COL22A1: variants seen among roughly 807,000 people sequenced by gnomAD.
COL22A1 encodes collagen alpha-1(XXII) chain.
Under a neutral mutation model 248.9 loss-of-function variants are expected in COL22A1, and 221 were observed. The observed-to-expected ratio is 0.89, with a 90% CI of 0.80 to 0.99. COL22A1 has a LOEUF of 0.99. Among genes scored for constraint, COL22A1 ranks in the 50% least tolerant of loss-of-function variants. The pLI is 0.00. For synonymous variants in COL22A1, 891 were observed against 793.4 expected (o/e 1.12, Z -2.07); for missense variants, 2,240 against 2,179.0 (o/e 1.03, Z -0.56).
chr8:138,871,307 G>T (rs186410124), intron 3 of COL22A1, among the ~76,000 whole-genome samples: 1 of 152,178 alleles, frequency 6.6e-6, no homozygotes, highest in Non-Finnish European at 1.5e-5. Flanking sequence ...GTGTGAACTG[G>T]GAAAGGTAAG....
chr8:138,780,446 C>T (rs1814860864), intron 13 of COL22A1, among the ~76,000 whole-genome samples: 1 of 152,156 alleles, frequency 6.6e-6, no homozygotes, highest in African/African-American at 2.4e-5. Context: ...AAGCTGAGAT[C>T]ACTTTGAGCT....
intron 16 of COL22A1, among the ~76,000 whole-genome samples, chr8:138,771,832 A>G (rs1834390910): frequency 2.6e-5 from 4 of 152,182 alleles, no homozygotes; most frequent in African/African-American, 9.7e-5. Flanking sequence ...CCAGTGGCAG[A>G]CCTGGCCCCC....
At chr8:138,611,189 C>G (rs1379523517) in intron 56 of COL22A1, among the ~76,000 whole-genome samples, 2 of 152,254 alleles carry the variant, frequency 1.3e-5, no homozygotes, top group African/African-American at 2.4e-5. Flanking sequence ...GCCCCTCTTG[C>G]CTCCAGAAAT....
At chr8:138,706,743 C>A (rs1828491693) in intron 30 of COL22A1, among the ~76,000 whole-genome samples, 1 of 152,074 alleles carries the variant, frequency 6.6e-6, no homozygotes, top group Non-Finnish European at 1.5e-5. Context: ...GAAGCAAGAG[C>A]AAACACATTC....
intron 44 of COL22A1, among the ~76,000 whole-genome samples, chr8:138,660,229 G>C (rs1015017422): frequency 2.0e-5 from 3 of 152,098 alleles, no homozygotes; most frequent in African/African-American, 7.2e-5. Flanking sequence ...ACTCTCCCTG[G>C]GCTTTGAAAA....
At chr8:138,625,774 T>C (rs1188292427) in intron 51 of COL22A1, among the ~76,000 whole-genome samples, 3 of 152,204 alleles carry the variant, frequency 2.0e-5, no homozygotes, top group Non-Finnish European at 4.4e-5. Context: ...CTATTAAATG[T>C]AAAGTTTATG....
chr8:138,864,335 T>G (rs1217377233), intron 3 of COL22A1, among the ~76,000 whole-genome samples: 1 of 151,788 alleles, frequency 6.6e-6, no homozygotes, highest in African/African-American at 2.4e-5. Context: ...AACTTGATCT[T>G]ATATATCAGG....
Position 138,775,976 on chromosome 8 carries a change from C to T in COL22A1, c.1793G>A (p.Arg598Gln), listed in dbSNP as rs201581690. The change falls in exon 16 of 65, where the codon CGA becomes CAA. Residue 598 changes from arginine to glutamine, a missense_variant. Arg to Gln is a conservative substitution (Grantham distance 43). Transcript: ENST00000303045. ...GCAGACTATAAATACCTTTTCTCCTCGAGTTCCCTTTTCACCTCGTTCTCC... is the reference window on the plus strand; with the variant it reads ...GCAGACTATAAATACCTTTTCTCCTTGAGTTCCCTTTTCACCTCGTTCTCC... The part of the protein sequence containing the change: ...LQGERGEKGT[R>Q]GEKGERGLDG... 2.2e-5 allele frequency: 35 copies of T among 1,613,418 alleles called. 1 individual carries two copies. The South Asian group carries it at 2.5e-4, about 12-fold the overall frequency.
At chr8:138,809,638 A>G (rs1818038824) in intron 9 of COL22A1, among the ~76,000 whole-genome samples, 2 of 150,692 alleles carry the variant, frequency 1.3e-5, no homozygotes, top group Non-Finnish European at 1.5e-5. Context: ...CTCCTGCCTC[A>G]GCCTCCTGAG....
chr8:138,817,107 CT>C (rs1427749681), intron 7 of COL22A1, among the ~76,000 whole-genome samples: 1 of 152,192 alleles, frequency 6.6e-6, no homozygotes, highest in Admixed American at 6.5e-5. Context: ...GGCCACTGGC[CT>C]GGGTGTTTTA....
intron 3 of COL22A1, among the ~76,000 whole-genome samples, chr8:138,864,716 C>G (rs1822731850): frequency 6.6e-6 from 1 of 152,188 alleles, no homozygotes; most frequent in Admixed American, 6.5e-5. Flanking sequence ...AACTCTCAGC[C>G]CAGATGAGCA....
chr8:138,736,605 C>T (rs142332482), intron 23 of COL22A1, among the ~76,000 whole-genome samples: 1 of 152,124 alleles, frequency 6.6e-6, no homozygotes, highest in East Asian at 1.9e-4. Flanking sequence ...TGTCAGGATC[C>T]ACATGGCCGG....
At position 138,700,568 on chromosome 8, in the gene COL22A1, T is replaced by C. The variant is rs79246948; in HGVS notation, c.2560-424A>G. ...ATCAGGCAGGGATGCAGGTGCGTAG[T>C]AGACAAGGTTGGGGAGAGTAGGAGA... is the stretch of plus-strand genomic sequence containing the variant. On this transcript the variant is annotated intron_variant, in intron 31 of 64. Transcript: ENST00000303045. Among the ~76,000 whole-genome samples the C allele has an allele frequency of 6.8e-3, 1,037 of 152,292 alleles. 14 individuals are homozygous for C. The highest frequency in any genetic ancestry group is 0.024 in the African/African-American group (988 of 41,560).
chr8:138,748,950 T>C (rs941260426), intron 22 of COL22A1, among the ~76,000 whole-genome samples: 6 of 152,194 alleles, frequency 3.9e-5, no homozygotes, highest in Admixed American at 1.3e-4. Context: ...TGGGAGATCA[T>C]TGAATCATGG....
chr8:138,908,121 A>G (rs1370447097), intron 1 of COL22A1, among the ~76,000 whole-genome samples: 4 of 152,216 alleles, frequency 2.6e-5, no homozygotes, highest in African/African-American at 4.8e-5. Flanking sequence ...GTCCACAGCA[A>G]GCATTAAACC....
intron 41 of COL22A1, among the ~76,000 whole-genome samples, chr8:138,675,310 A>G (rs938100776): frequency 6.6e-6 from 1 of 152,186 alleles, no homozygotes; most frequent in Non-Finnish European, 1.5e-5. Flanking sequence ...TTTCTTTCAC[A>G]AGTAATATTT....
At chr8:138,677,762 A>G (rs959631129) in intron 40 of COL22A1, among the ~76,000 whole-genome samples, 1 of 152,232 alleles carries the variant, frequency 6.6e-6, no homozygotes, top group Non-Finnish European at 1.5e-5. Flanking sequence ...AATTTGGCCC[A>G]AAACAGACAT....
chr8:138,763,196 G>A (rs774735350), intron 16 of COL22A1, among the ~76,000 whole-genome samples: 13 of 152,122 alleles, frequency 8.5e-5, no homozygotes, highest in Non-Finnish European at 1.8e-4. Context: ...AGACCAGCCT[G>A]GCCAACATGG....
chr8:138,857,773 T>C (rs1273599719), intron 3 of COL22A1, among the ~76,000 whole-genome samples: 1 of 152,126 alleles, frequency 6.6e-6, no homozygotes, highest in Admixed American at 6.5e-5. Context: ...AACCCCCTTG[T>C]TTTACAGATA....
Sources: allele counts gnomAD v4.1 joint callset (sites outside exome capture counted in the v4.1 genomes callset), GRCh38; gene constraint gnomAD v4.1.1; transcripts MANE v1.5; gene names NCBI Gene and HGNC (gene_info 2026-07-23, HGNC 2026-07-21).